The following CRK variants were observed in gnomAD, a reference collection of about 807,000 sequenced individuals.
CRK encodes CRK proto-oncogene, adaptor protein.
A neutral mutation model predicts 29.8 loss-of-function variants in CRK; 4 were observed. That is an observed-to-expected ratio of 0.13 (90% CI 0.07 to 0.31). The LOEUF is 0.31. Ranked by LOEUF, CRK falls within the 10% of genes least tolerant of loss-of-function variation. The pLI is 1.00. For synonymous variants in CRK, 153 were observed against 164.9 expected, an observed-to-expected ratio of 0.93 and a Z score of 0.55; for missense variants, 274 against 396.5, an observed-to-expected ratio of 0.69 and a Z score of 2.62.
intron 1 of CRK, among the ~76,000 whole-genome samples, chr17:1,439,252 T>A (rs1020633561): frequency 3.3e-5 from 5 of 152,074 alleles, no homozygotes; most frequent in Admixed American, 3.3e-4. Context: ...CCCGCCACCA[T>A]GCCTGGCTAA....
chr17:1,454,391 T>A (rs912521167), intron 1 of CRK, among the ~76,000 whole-genome samples: 2 of 151,910 alleles, frequency 1.3e-5, no homozygotes, highest in African/African-American at 4.8e-5. Flanking sequence ...AAATACAACA[T>A]TAGCTGGTTA....
At chr17:1,444,599 G>GGT (rs1555654449) in intron 1 of CRK, among the ~76,000 whole-genome samples, 1 of 149,824 alleles carries the variant, frequency 6.7e-6, no homozygotes, top group Non-Finnish European at 1.5e-5. Flanking sequence ...CCGAAGCGGG[G>GGT]GGGGGGATCA....
intron 2 of CRK, among the ~76,000 whole-genome samples, chr17:1,432,719 G>A (rs2150903804): frequency 6.6e-6 from 1 of 151,120 alleles, no homozygotes; most frequent in East Asian, 1.9e-4. Context: ...GGAGCTTGCA[G>A]TGCGCCGAGA....
At chr17:1,433,440 G>A (rs933396665) in intron 2 of CRK, among the ~76,000 whole-genome samples, 1 of 151,410 alleles carries the variant, frequency 6.6e-6, no homozygotes, top group East Asian at 1.9e-4. Context: ...CAACCTCCTA[G>A]GCTCAAGCAG....
At chr17:1,436,140 C>T (rs184482037) in intron 2 of CRK, among the ~76,000 whole-genome samples, 3 of 152,198 alleles carry the variant, frequency 2.0e-5, no homozygotes, top group Admixed American at 6.5e-5. Context: ...TATTTCCTCC[C>T]GGATTCTACT....
At chr17:1,437,226 A>T in intron 1 of CRK, 71 bp from the exon 2 acceptor site, 3 of 1,468,108 alleles carry the variant, frequency 2.0e-6, no homozygotes, top group South Asian at 2.9e-5. Context: ...TTTTATTTTT[A>T]TTTTTTTTAG....
At chr17:1,453,492 C>G (rs565880772) in intron 1 of CRK, among the ~76,000 whole-genome samples, 5 of 152,280 alleles carry the variant, frequency 3.3e-5, no homozygotes, top group East Asian at 3.9e-4. Context: ...TAGAATATAT[C>G]TGGTTCAGGG....
At chr17:1,435,415 G>T (rs573838756) in intron 2 of CRK, among the ~76,000 whole-genome samples, 1 of 150,744 alleles carries the variant, frequency 6.6e-6, no homozygotes, top group African/African-American at 2.4e-5. Context: ...AATGTCAAGA[G>T]TTACATCTAG....
rs1456180670 is a variant in CRK, at chr17:1,422,008, T to A, written c.*1505A>T. On this transcript the variant is annotated 3_prime_UTR_variant, in exon 3 of 3. Transcript: ENST00000300574. ...GACCCCATATAAATCATTCCATACT[T>A]AAATGGGTTTGTAAACTAAACCTGA... 1 of 152,022 alleles carries A rather than the reference T, an allele frequency of 6.6e-6. No individual in the cohort carries two copies. The highest frequency in any genetic ancestry group is 1.9e-4 in the East Asian group (1 of 5,192). 9.4% of individuals were successfully genotyped at this position (152,022 alleles called of 1,614,324 possible). A position where few individuals can be genotyped will look rare whatever the true frequency, so the allele number is the denominator to read the frequency against.
chr17:1,441,092 C>T lies in CRK; in HGVS notation c.242-3937G>A, dbSNP rs531948184. On this transcript the variant is annotated intron_variant, in intron 1 of 2. Transcript: ENST00000300574. ...CTGGGCCTACAGGCACGCATCACCACGCCCAACTAATTTTTTGTAGTAATG... is the reference window on the plus strand; with the variant it reads ...CTGGGCCTACAGGCACGCATCACCATGCCCAACTAATTTTTTGTAGTAATG... 9.9e-5 allele frequency among the ~76,000 whole-genome samples: 15 copies of T among 152,050 alleles called. No individual in the cohort carries two copies. In the East Asian group the frequency reaches 1.7e-3, roughly 18 times the overall value.
intron 2 of CRK, among the ~76,000 whole-genome samples, chr17:1,433,493 A>T (rs1278059178): frequency 7.0e-6 from 1 of 142,916 alleles, no homozygotes; most frequent in Non-Finnish European, 1.5e-5. Context: ...CCACAGGTGC[A>T]CACCACCACG....
At chr17:1,425,826 T>C (rs1199401710) in intron 2 of CRK, among the ~76,000 whole-genome samples, 1 of 152,052 alleles carries the variant, frequency 6.6e-6, no homozygotes, top group Non-Finnish European at 1.5e-5. Context: ...GTATGGGTCA[T>C]AGGATGCTGA....
chr17:1,432,308 G>A (rs1464908412), intron 2 of CRK, among the ~76,000 whole-genome samples: 3 of 151,604 alleles, frequency 2.0e-5, no homozygotes, highest in African/African-American at 7.3e-5. Context: ...GGCCAATGTG[G>A]CGAAATCCCA....
At position 1,421,007 on chromosome 17, in the gene CRK, T is replaced by C. The variant is rs1598289014; in HGVS notation, c.*2506A>G. ...ATGTCAAATATTAGTATTCAAAAAA[T>C]GGGATTTGCAGAAATGATTATATAA... On this transcript the variant is annotated 3_prime_UTR_variant, in exon 3 of 3. Coordinates refer to ENST00000300574, the MANE Select transcript of CRK (RefSeq NM_016823.4). The C allele has an allele frequency of 6.6e-6, 1 of 152,192 alleles. No individual in the cohort carries two copies. The allele number at this position is 152,192 out of a possible 1,614,324, so 9.4% of individuals were successfully genotyped here. A position where few individuals can be genotyped will look rare whatever the true frequency, so the allele number is the denominator to read the frequency against.
rs184513631 is a variant in CRK at position 1,435,505 on chromosome 17, C to T, written c.777+1115G>A. On this transcript the variant is annotated intron_variant, in intron 2 of 2. Coordinates refer to ENST00000300574, the MANE Select transcript of CRK (RefSeq NM_016823.4). ...GAAAATAAAAAGGAGTAAGATCCAT[C>T]ATACACACAGCACCATGCCAGATGT... 2.0e-3 allele frequency among the ~76,000 whole-genome samples: 301 copies of T among 151,768 alleles called. 3 individuals are homozygous for T. The highest frequency in any genetic ancestry group is 6.8e-3 in the Middle Eastern group (2 of 292).
intron 1 of CRK, among the ~76,000 whole-genome samples, chr17:1,455,670 C>A (rs1175222202): frequency 2.0e-5 from 3 of 151,718 alleles, no homozygotes; most frequent in Non-Finnish European, 4.4e-5. Context: ...CCCAGGCACA[C>A]CCCGGGGCCT....
intron 1 of CRK, among the ~76,000 whole-genome samples, chr17:1,455,126 C>T (rs530378756): frequency 4.1e-4 from 63 of 152,274 alleles, no homozygotes; most frequent in African/African-American, 1.5e-3. Context: ...AAATGTCTTT[C>T]CTCCACTAAA....
chr17:1,431,242 A>G (rs989952888), intron 2 of CRK, among the ~76,000 whole-genome samples: 1 of 151,972 alleles, frequency 6.6e-6, no homozygotes, highest in Non-Finnish European at 1.5e-5. Context: ...AACAGTCTGG[A>G]GGAAGGAGTG....
chr17:1,450,599 T>C (rs1177451313), intron 1 of CRK, among the ~76,000 whole-genome samples: 2 of 151,844 alleles, frequency 1.3e-5, no homozygotes, highest in Non-Finnish European at 2.9e-5. Flanking sequence ...ATATACTCTG[T>C]AGGCTAGATG....
Sources: gnomAD v4.1 joint callset for allele counts (sites outside exome capture counted in the v4.1 genomes callset) on GRCh38, gnomAD v4.1.1 for gene constraint, MANE v1.5 for transcripts, NCBI Gene and HGNC (gene_info 2026-07-23, HGNC 2026-07-21) for gene names.